RIMS2: variants seen among roughly 807,000 people sequenced by gnomAD.
The protein encoded by RIMS2 is regulating synaptic membrane exocytosis 2, also known as regulating synaptic membrane exocytosis protein 2.
A neutral mutation model predicts 174.4 loss-of-function variants in RIMS2; 59 were observed. The observed-to-expected ratio is 0.34, with a 90% CI of 0.27 to 0.42. RIMS2 has a LOEUF of 0.42. Among genes scored for constraint, RIMS2 ranks in the 10% least tolerant of loss-of-function variants. The pLI is 1.00. For synonymous variants in RIMS2, 606 were observed against 572.5 expected, an observed-to-expected ratio of 1.06 and a Z score of -0.84; for missense variants, 1,620 against 1,666.3, an observed-to-expected ratio of 0.97 and a Z score of 0.48.
At chr8:103,684,569 A>G (rs908783433) in intron 1 of RIMS2, among the ~76,000 whole-genome samples, 24 of 140,992 alleles carry the variant, frequency 1.7e-4, no homozygotes, top group East Asian at 4.0e-4. Flanking sequence ...ATTTTATTTT[A>G]TTTTATTTTA....
chr8:103,894,628 A>G (rs2099266853), intron 4 of RIMS2, among the ~76,000 whole-genome samples: 1 of 151,702 alleles, frequency 6.6e-6, no homozygotes, highest in South Asian at 2.1e-4. Flanking sequence ...GTGGTAGCAG[A>G]TGAAATTTCA....
At chr8:103,863,675 G>A (rs2099070022) in intron 3 of RIMS2, among the ~76,000 whole-genome samples, 1 of 151,934 alleles carries the variant, frequency 6.6e-6, no homozygotes, top group African/African-American at 2.4e-5. Context: ...ATCTTAGGAG[G>A]TTATATATTT....
chr8:104,103,108 C>T (rs191346760), intron 19 of RIMS2, among the ~76,000 whole-genome samples: 116 of 151,658 alleles, frequency 7.6e-4, no homozygotes, highest in Middle Eastern at 3.4e-3. Context: ...GCAAAACTTA[C>T]GCTAAGTAAA....
intron 19 of RIMS2, among the ~76,000 whole-genome samples, chr8:104,121,298 TG>T (rs1256473202): frequency 6.6e-6 from 1 of 152,192 alleles, no homozygotes; most frequent in African/African-American, 2.4e-5. Flanking sequence ...GGAAAGAATC[TG>T]GGGAGATACC....
At chr8:103,529,706 C>G (rs150873303) in intron 1 of RIMS2, among the ~76,000 whole-genome samples, 2 of 152,350 alleles carry the variant, frequency 1.3e-5, no homozygotes, top group East Asian at 3.9e-4. Flanking sequence ...AATCACCCAT[C>G]TTCCGTGTCG....
chr8:103,668,823 G>A (rs1378693001), intron 1 of RIMS2, among the ~76,000 whole-genome samples: 1 of 152,004 alleles, frequency 6.6e-6, no homozygotes. Flanking sequence ...TGGGATTATG[G>A]GTAGAAGCCA....
intron 19 of RIMS2, among the ~76,000 whole-genome samples, chr8:104,226,187 T>C (rs2099187101): frequency 6.6e-6 from 1 of 152,204 alleles, no homozygotes; most frequent in Non-Finnish European, 1.5e-5. Flanking sequence ...AATAGCAACT[T>C]GTCTAAAGAG....
intron 1 of RIMS2, among the ~76,000 whole-genome samples, chr8:103,688,067 TC>T (rs368630122): frequency 8.1e-4 from 124 of 152,212 alleles, no homozygotes; most frequent in African/African-American, 2.8e-3. Context: ...AATTTCCTTT[TC>T]AATTTGGATG....
intron 1 of RIMS2, among the ~76,000 whole-genome samples, chr8:103,611,670 G>T (rs1427457061): frequency 6.7e-6 from 1 of 148,718 alleles, no homozygotes; most frequent in Non-Finnish European, 1.5e-5. Flanking sequence ...TATGTTATTT[G>T]TTACTTTTTT....
chr8:104,150,245 T>C (rs2098678376), intron 19 of RIMS2, among the ~76,000 whole-genome samples: 1 of 152,202 alleles, frequency 6.6e-6, no homozygotes, highest in Non-Finnish European at 1.5e-5. Context: ...TGGACGTTAG[T>C]AAGACTACAA....
chr8:103,561,687 T>C (rs1443382168), intron 1 of RIMS2, among the ~76,000 whole-genome samples: 1 of 152,196 alleles, frequency 6.6e-6, no homozygotes, highest in Non-Finnish European at 1.5e-5. Context: ...GCCATAAAAG[T>C]GAGTTAATGC....
At chr8:104,153,337 T>C (rs536394220) in intron 19 of RIMS2, among the ~76,000 whole-genome samples, 1 of 152,152 alleles carries the variant, frequency 6.6e-6, no homozygotes, top group South Asian at 2.1e-4. Context: ...TAAAAACTTA[T>C]CCAGCAGATC....
At chr8:104,225,810 C>T (rs547283415) in intron 19 of RIMS2, among the ~76,000 whole-genome samples, 26 of 152,250 alleles carry the variant, frequency 1.7e-4, no homozygotes, top group African/African-American at 5.5e-4. Context: ...ATACAGTTCT[C>T]TACTAGTAAC....
rs1043440647 is a variant in RIMS2, at chr8:103,916,350, C to G, written c.1913-64C>G. On this transcript the variant is annotated intron_variant, in intron 7 of 23. Coordinates refer to ENST00000504942, the Ensembl canonical transcript of RIMS2. ...GGAGTTTATTGAAGTTTAAGATGCTCTTAAGTGTAATTTGTCAGATCAAAT... is the reference window on the plus strand; with the variant it reads ...GGAGTTTATTGAAGTTTAAGATGCTGTTAAGTGTAATTTGTCAGATCAAAT... The G allele has an allele frequency of 1.2e-5, 14 of 1,214,668 alleles. No homozygotes were observed. In the African/African-American group the frequency reaches 1.7e-4, roughly 14 times the overall value. The allele number at this position is 1,214,668 out of a possible 1,614,324, so 75.2% of individuals were successfully genotyped here.
intron 2 of RIMS2, among the ~76,000 whole-genome samples, chr8:103,699,850 T>G (rs2097148586): frequency 6.6e-6 from 1 of 152,208 alleles, no homozygotes; most frequent in Non-Finnish European, 1.5e-5. Context: ...AATTTAGAAG[T>G]ATGTTATTTA....
At chr8:104,238,466 T>C (rs1192701636) in intron 19 of RIMS2, among the ~76,000 whole-genome samples, 1 of 140,722 alleles carries the variant, frequency 7.1e-6, no homozygotes, top group Non-Finnish European at 1.6e-5. Context: ...AAAGTAAAAT[T>C]AAAAAAAAAA....
At chr8:103,752,688 T>C (rs1005163728) in intron 2 of RIMS2, among the ~76,000 whole-genome samples, 23 of 152,334 alleles carry the variant, frequency 1.5e-4, no homozygotes, top group Non-Finnish European at 2.1e-4. Context: ...TTATTCTCTT[T>C]GAAGCAACTG....
In RIMS2 at chr8:103,839,387, A is replaced by C. The variant is rs2098925894; in HGVS notation, c.699-45911A>C. Among the ~76,000 whole-genome samples, 4 of 152,318 alleles carry C rather than the reference A, an allele frequency of 2.6e-5. No individual in the cohort carries two copies. In the South Asian group the frequency reaches 8.3e-4, roughly 32 times the overall value. The stretch of plus-strand genomic sequence containing the variant: ...TTTGATTATGTCAGGCAGCTAAATT[A>C]AGGAGGATCACCTTGATCTTGTCAA... On this transcript the variant is annotated intron_variant, in intron 3 of 23. Transcript: ENST00000504942.
intron 19 of RIMS2, among the ~76,000 whole-genome samples, chr8:104,212,024 G>T (rs2099107857): frequency 1.3e-5 from 2 of 152,214 alleles, no homozygotes; most frequent in East Asian, 1.9e-4. Context: ...GATTTTTGTT[G>T]TTTGAGCAAC....
Sources: allele counts gnomAD v4.1 joint callset (sites outside exome capture counted in the v4.1 genomes callset), GRCh38; gene constraint gnomAD v4.1.1; transcripts MANE v1.5; gene names NCBI Gene and HGNC (gene_info 2026-07-23, HGNC 2026-07-21).